XPOT: variants seen among roughly 807,000 people sequenced by gnomAD.
The protein encoded by XPOT is exportin for tRNA, also known as exportin-T.
In XPOT, 34 loss-of-function variants were observed where a neutral mutation model predicts 128.2. The observed-to-expected ratio is 0.27, with a 90% CI of 0.20 to 0.35. XPOT has a LOEUF of 0.35. Ranked by LOEUF, XPOT falls within the 10% of genes least tolerant of loss-of-function variation. XPOT has a pLI of 1.00. For synonymous variants in XPOT, 348 were observed against 394.3 expected (o/e 0.88, Z 1.39); for missense variants, 838 against 1,125.3 (o/e 0.74, Z 3.65).
chr12:64,439,353 C>T (rs758957637), intron 23 of XPOT, 38 bp downstream of exon 23: 2 of 1,562,404 alleles, frequency 1.3e-6, no homozygotes, highest in East Asian at 4.5e-5. Flanking sequence ...GGCGAGAGAT[C>T]ACAGTAGTAG....
At position 64,431,723 on chromosome 12, in the gene XPOT, C is replaced by T. The variant is rs764096460; in HGVS notation, c.2162C>T (p.Pro721Leu). ...ATTTGCCTGGAGGAAGAAGTTCTTC[C>T]GTTCATTCCATCTGCTTCAGAACAT... ...MIICLEEEVL[P>L]FIPSASEHML... is the part of the protein sequence containing the mutation. Residue 721 changes from proline to leucine, a missense_variant, in exon 18 of 25, where the codon CCG becomes CTG. Pro to Leu is a moderately conservative substitution (Grantham distance 98). This residue lies in a region of XPOT where 761 missense variants were observed against 988.3 expected (regional missense o/e 0.77). Transcript: ENST00000332707. 5 of 1,614,034 alleles carry T rather than the reference C, an allele frequency of 3.1e-6. No individual in the cohort carries two copies. Among genetic ancestry groups the T allele is most frequent in the Admixed American group, 1.7e-5 (1 of 60,000 alleles).
intron 9 of XPOT, among the ~76,000 whole-genome samples, chr12:64,422,591 G>C (rs966376200): frequency 6.6e-6 from 1 of 152,156 alleles, no homozygotes; most frequent in Admixed American, 6.5e-5. Flanking sequence ...TTGTGTGCAT[G>C]TTTTCAAAGA....
At chr12:64,427,429 A>G (rs1195340386) in intron 15 of XPOT, among the ~76,000 whole-genome samples, 2 of 151,832 alleles carry the variant, frequency 1.3e-5, no homozygotes, top group Non-Finnish European at 2.9e-5. Context: ...CCCCCTTTTT[A>G]TGTTGCCACT....
chr12:64,433,580 T>C lies in XPOT; in HGVS notation c.2429T>C (p.Met810Thr). 1 of 1,605,772 alleles carries C rather than the reference T, an allele frequency of 6.2e-7. No individual in the cohort carries two copies. The highest frequency in any genetic ancestry group is 8.5e-7 in the Non-Finnish European group (1 of 1,175,058). Residue 810 changes from methionine (M) to threonine (T), a missense_variant, in exon 19 of 25, where the codon ATG becomes ACG. This residue lies in a region of XPOT where 761 missense variants were observed against 988.3 expected (regional missense o/e 0.77). Transcript: ENST00000332707. ...AFLQTVTGSG[M>T]SEVIANQGAE... ...CTGCAAACAGTCACAGGCAGTGGGA[T>C]GAGCGAAGTTATAGCAAATCAAGGT...
At chr12:64,436,262 A>G (rs1009058574) in intron 22 of XPOT, among the ~76,000 whole-genome samples, 3 of 147,190 alleles carry the variant, frequency 2.0e-5, no homozygotes, top group African/African-American at 5.1e-5. Context: ...CGCCTGGCCT[A>G]TTTTTTATTT....
At chr12:64,444,929 C>T in intron 23 of XPOT, 146 bp from the exon 24 acceptor site, 1 of 512,228 alleles carries the variant, frequency 2.0e-6, no homozygotes, top group South Asian at 2.8e-5. Flanking sequence ...GCTATGATCA[C>T]ACCACTGTAC....
intron 23 of XPOT, chr12:64,442,562 A>G (rs1855153268): frequency 1.3e-5 from 2 of 152,382 alleles, no homozygotes; most frequent in Non-Finnish European, 2.9e-5. Context: ...TCCTAATGCC[A>G]TTAGGCCTGG....
chr12:64,405,855 A>G (rs1054295201), intron 1 of XPOT, among the ~76,000 whole-genome samples: 63 of 152,224 alleles, frequency 4.1e-4, no homozygotes, highest in African/African-American at 1.3e-3. Flanking sequence ...TGACCTCGCG[A>G]TCCGCCCGCC....
At chr12:64,425,759 A>C (rs1004529724) in intron 14 of XPOT, 56 bp from the exon 15 acceptor site, 4 of 1,541,356 alleles carry the variant, frequency 2.6e-6, no homozygotes, top group Non-Finnish European at 3.6e-6. Context: ...TAGCAGGACA[A>C]TATCAACAAA....
chr12:64,422,113 AT>A (rs2040144201), intron 9 of XPOT, among the ~76,000 whole-genome samples: 1 of 152,118 alleles, frequency 6.6e-6, no homozygotes, highest in African/African-American at 2.4e-5. Flanking sequence ...CCCGGCAACA[AT>A]TTTTTACAAT....
At chr12:64,415,320 G>C (rs759999355) in intron 3 of XPOT, among the ~76,000 whole-genome samples, 3 of 151,356 alleles carry the variant, frequency 2.0e-5, no homozygotes, top group African/African-American at 7.3e-5. Flanking sequence ...TGGTAAAGAC[G>C]GTGATTGTAA....
At chr12:64,416,898 A>G (rs1339089528) in intron 4 of XPOT, 144 bp downstream of exon 4, 3 of 774,948 alleles carry the variant, frequency 3.9e-6, no homozygotes, top group Non-Finnish European at 6.3e-6. Context: ...ATACGTTTTG[A>G]TGTACCCCAA....
At chr12:64,441,442 G>C (rs1369088671) in intron 23 of XPOT, among the ~76,000 whole-genome samples, 1 of 152,118 alleles carries the variant, frequency 6.6e-6, no homozygotes, top group Non-Finnish European at 1.5e-5. Context: ...GTACCATACT[G>C]TTTTCACACT....
chr12:64,428,224 A>T, intron 16 of XPOT, 104 bp downstream of exon 16: 1 of 735,832 alleles, frequency 1.4e-6, no homozygotes, highest in East Asian at 2.7e-5. Flanking sequence ...TTGGTGGTGG[A>T]GGGAAGTGTA....
intron 3 of XPOT, 28 bp from the exon 4 acceptor site, chr12:64,416,670 T>TA (rs748919694): frequency 3.8e-6 from 6 of 1,582,208 alleles, no homozygotes; most frequent in Non-Finnish European, 5.2e-6. Context: ...ATATTCTGCT[T>TA]ATCTCATTTT....
chr12:64,418,896 G>A lies in XPOT; in HGVS notation c.291G>A (p.Glu97=), dbSNP rs1592328311. The change falls in exon 6 of 25, where the codon GAG becomes GAA. Residue 97 remains glutamate (E), a synonymous_variant. Transcript: ENST00000332707. ...GTCAGATGCTGAATCCCCAACCAGA[G>A]AAGACCTTTATACGAAATAAAGCCG... is the stretch of plus-strand genomic sequence containing the variant. ...LQAQMLNPQP[E]KTFIRNKAAQ... 4 of 1,613,874 alleles carry A rather than the reference G, an allele frequency of 2.5e-6. No homozygotes were observed. Among genetic ancestry groups the A allele is most frequent in the East Asian group, 2.2e-5 (1 of 44,884 alleles).
chr12:64,410,198 T>A (rs2040024979), intron 2 of XPOT, 103 bp downstream of exon 2: 4 of 1,060,922 alleles, frequency 3.8e-6, no homozygotes, highest in Non-Finnish European at 5.6e-6. Context: ...TGGGTAGAAA[T>A]GAACAGAAAC....
Position 64,449,339 on chromosome 12 carries a change from AC to A in XPOT, c.*1212del, listed in dbSNP as rs1330357880. 1.3e-5 allele frequency: 2 copies of A among 152,192 alleles called. No homozygotes were observed. The highest frequency in any genetic ancestry group is 2.9e-5 in the Non-Finnish European group (2 of 68,038). The allele number at this position is 152,192 out of a possible 1,614,324, so 9.4% of individuals were successfully genotyped here. A position where few individuals can be genotyped will look rare whatever the true frequency, so the allele number is the denominator to read the frequency against. ...TGACATTTAATTATTAGAAGTACTT[AC>A]CCCTGCCTTCCTCCATTTTTATTCA... is the stretch of plus-strand genomic sequence containing the variant. On this transcript the variant is annotated 3_prime_UTR_variant, in exon 25 of 25. Coordinates refer to ENST00000332707, the MANE Select transcript of XPOT (RefSeq NM_007235.6).
At chr12:64,407,959 T>C (rs1187178654) in intron 1 of XPOT, among the ~76,000 whole-genome samples, 2 of 152,160 alleles carry the variant, frequency 1.3e-5, no homozygotes, top group Non-Finnish European at 2.9e-5. Flanking sequence ...GTAGGTATCC[T>C]GTAACCTGGA....
Sources: gnomAD v4.1 joint callset for allele counts (sites outside exome capture counted in the v4.1 genomes callset) on GRCh38, gnomAD v4.1.1 for gene constraint, gnomAD v4.1.1 regional missense constraint, MANE v1.5 for transcripts, NCBI Gene and HGNC (gene_info 2026-07-23, HGNC 2026-07-21) for gene names.